The following CYP26C1 variants were observed in gnomAD, a reference collection of about 807,000 sequenced individuals.
CYP26C1 encodes cytochrome P450 family 26 subfamily C member 1, also known as cytochrome P450 26C1.
In CYP26C1, 41 loss-of-function variants were observed where a neutral mutation model predicts 39.1. That is an observed-to-expected ratio of 1.05 (90% CI 0.82 to 1.36). The LOEUF (loss-of-function observed/expected upper bound fraction) is 1.36. Ranked by LOEUF, CYP26C1 falls within the 40% of genes most tolerant of loss-of-function variation. CYP26C1 has a pLI of 0.00. For synonymous variants in CYP26C1, 362 were observed against 350.8 expected (o/e 1.03, Z -0.36); for missense variants, 833 against 752.0 (o/e 1.11, Z -1.26).
At chr10:93,068,276 T>C in intron 5 of CYP26C1, 44 bp from the exon 6 acceptor site, 2 of 1,479,504 alleles carry the variant, frequency 1.4e-6, no homozygotes, top group Non-Finnish European at 1.8e-6. Context: ...CCCCCCCGTT[T>C]CCAGGTGCCT....
rs1296313408 is a variant in CYP26C1, at chr10:93,062,716, A to G, written c.430-4A>G. 4 of 1,407,662 alleles carry G rather than the reference A, an allele frequency of 2.8e-6. No individual in the cohort carries two copies. Among genetic ancestry groups the G allele is most frequent in the South Asian group, 1.6e-5 (1 of 62,926 alleles). 87.2% of individuals were successfully genotyped at this position (1,407,662 alleles called of 1,614,324 possible). On this transcript the variant is annotated splice_polypyrimidine_tract_variant and splice_region_variant and intron_variant, in intron 2 of 5. Transcript: ENST00000651965. ...GCCAGCGCTGATCACGCGCGCTCCCACAGGTCCTGGCGCGCGTGTTCAGCC... is the reference window on the plus strand; with the variant it reads ...GCCAGCGCTGATCACGCGCGCTCCCGCAGGTCCTGGCGCGCGTGTTCAGCC...
chr10:93,068,625 C>T lies in CYP26C1; in HGVS notation c.1497C>T (p.His499=). Residue 499 remains histidine, a synonymous_variant, in exon 6 of 6, where the codon CAC becomes CAT. Coordinates refer to ENST00000651965, the MANE Select transcript of CYP26C1 (RefSeq NM_183374.3). ...CCATGCAGACGGTGCCCATCGTGCA[C>T]CCAGTGGACGGGCTGCGGCTCTTTT... ...FPAMQTVPIV[H]PVDGLRLFFH... is the part of the protein sequence containing the mutation. 6.2e-7 allele frequency: 1 copy of T among 1,600,626 alleles called. No individual in the cohort carries two copies. Among genetic ancestry groups the T allele is most frequent in the Non-Finnish European group, 8.5e-7 (1 of 1,174,130 alleles).
In CYP26C1 at chr10:93,067,178, G is replaced by C. The variant is rs993791943; in HGVS notation, c.1191+893G>C. On this transcript the variant is annotated intron_variant, in intron 5 of 5. Transcript: ENST00000651965. Reference sequence around the variant, plus strand: ...AGGGACTGGGATTCTACCCTGGAGGGGCTCCACTTGGAGAGGAAGGGGGCC... The same window carrying C: ...AGGGACTGGGATTCTACCCTGGAGGCGCTCCACTTGGAGAGGAAGGGGGCC... 2.6e-4 allele frequency among the ~76,000 whole-genome samples: 39 copies of C among 152,244 alleles called. 1 individual carries two copies. Among genetic ancestry groups the C allele is most frequent in the Non-Finnish European group, 1.0e-4 (7 of 68,046 alleles).
At position 93,066,261 on chromosome 10, in the gene CYP26C1, C is replaced by A. The variant is rs1846826320; in HGVS notation, c.1167C>A (p.Thr389=). The A allele has an allele frequency of 1.4e-6, 2 of 1,442,914 alleles. No homozygotes were observed. The highest frequency in any genetic ancestry group is 1.8e-6 in the Non-Finnish European group (2 of 1,099,912). The allele number at this position is 1,442,914 out of a possible 1,614,324, so 89.4% of individuals were successfully genotyped here. A position where few individuals can be genotyped will look rare whatever the true frequency, so the allele number is the denominator to read the frequency against. The change falls in exon 5 of 6, where the codon ACC becomes ACA. Residue 389 remains threonine (T), a synonymous_variant. Transcript: ENST00000651965. ...CGCCAGTGTCCGGGGGCTACCGCAC[C>A]GCCCTGCGCACCTTCGAGCTCGACG... ...LLPPVSGGYR[T]ALRTFELDGY...
chr10:93,062,742 G>A lies in CYP26C1; in HGVS notation c.452G>A (p.Arg151His). The change falls in exon 3 of 6, where the codon CGC becomes CAC. Residue 151 changes from arginine (R) to histidine (H), a missense_variant. Physicochemically the swap from Arg to His is conservative, Grantham distance 29. Coordinates refer to ENST00000651965, the MANE Select transcript of CYP26C1 (RefSeq NM_183374.3). ...CAGGTCCTGGCGCGCGTGTTCAGCC[G>A]CGCCGCGCTGGAGCGCTACGTGCCG... ...RRKVLARVFS[R>H]AALERYVPRL... 1.4e-6 allele frequency: 2 copies of A among 1,442,342 alleles called. No individual in the cohort carries two copies. Among genetic ancestry groups the A allele is most frequent in the Non-Finnish European group, 1.8e-6 (2 of 1,108,866 alleles). The allele number at this position is 1,442,342 out of a possible 1,614,324, so 89.3% of individuals were successfully genotyped here. A position where few individuals can be genotyped will look rare whatever the true frequency, so the allele number is the denominator to read the frequency against.
At chr10:93,065,300 A>G (rs1846810194) in intron 4 of CYP26C1, among the ~76,000 whole-genome samples, 1 of 152,212 alleles carries the variant, frequency 6.6e-6, no homozygotes, top group South Asian at 2.1e-4. Flanking sequence ...CTTTTCTGAG[A>G]TTGGAACTAA....
intron 2 of CYP26C1, among the ~76,000 whole-genome samples, 168 bp downstream of exon 2, chr10:93,062,402 A>C (rs1027837477): frequency 6.6e-6 from 1 of 152,178 alleles, no homozygotes; most frequent in Non-Finnish European, 1.5e-5. Flanking sequence ...TTCGGTTTAT[A>C]AAGTTAGGAC....
chr10:93,061,618 C>T (rs1255895318), intron 1 of CYP26C1, 151 bp downstream of exon 1: 1 of 758,496 alleles, frequency 1.3e-6, no homozygotes, highest in Admixed American at 3.9e-5. Context: ...CTCGCCTTTA[C>T]CTAGATACTC....
At chr10:93,068,175 A>C in intron 5 of CYP26C1, 145 bp from the exon 6 acceptor site, 213 of 982,704 alleles carry the variant, frequency 2.2e-4, no homozygotes, top group Middle Eastern at 6.0e-4. Context: ...ATTGGAACAC[A>C]GAGCTTTCTC....
At chr10:93,063,764 C>G in intron 3 of CYP26C1, 3 of 982,654 alleles carry the variant, frequency 3.1e-6, no homozygotes, top group Non-Finnish European at 3.6e-6. Context: ...TATTGACTTA[C>G]CCAAGATCAC....
chr10:93,063,066 G>A, intron 3 of CYP26C1, 71 bp downstream of exon 3: 7 of 1,484,740 alleles, frequency 4.7e-6, no homozygotes, highest in Non-Finnish European at 5.3e-6. Context: ...GACCCAGACG[G>A]GACGCCCTCG....
Position 93,062,283 on chromosome 10 carries a change from C to T in CYP26C1, c.429+49C>T, listed in dbSNP as rs1438532772. The T allele has an allele frequency of 2.7e-6, 4 of 1,477,310 alleles. No individual in the cohort carries two copies. The South Asian group carries it at 5.3e-5, about 20-fold the overall frequency. 91.5% of individuals were successfully genotyped at this position (1,477,310 alleles called of 1,614,324 possible). On this transcript the variant is annotated intron_variant, in intron 2 of 5. Transcript: ENST00000651965. ...GTAGATACGTCGGATCCGCGGTCCC[C>T]GGCATCTGCCATGGGCCAGGCCGGG...
Position 93,061,571 on chromosome 10 carries a change from T to C in CYP26C1, c.204+104T>C. The C allele has an allele frequency of 4.3e-6, 6 of 1,400,524 alleles. 1 individual carries two copies. The Admixed American group carries it at 1.3e-4, about 31-fold the overall frequency. 86.8% of individuals were successfully genotyped at this position (1,400,524 alleles called of 1,614,324 possible). A position where few individuals can be genotyped will look rare whatever the true frequency, so the allele number is the denominator to read the frequency against. ...GCCCATGGGATTTGTAGCCAGTCCCTGCCCATCGCCCACGACCCCGGGAAG... is the reference window on the plus strand; with the variant it reads ...GCCCATGGGATTTGTAGCCAGTCCCCGCCCATCGCCCACGACCCCGGGAAG... On this transcript the variant is annotated intron_variant, in intron 1 of 5. Transcript: ENST00000651965.
chr10:93,066,405 G>C (rs1846830251), intron 5 of CYP26C1, 120 bp downstream of exon 5: 1 of 1,017,336 alleles, frequency 9.8e-7, no homozygotes, highest in Non-Finnish European at 1.3e-6. Context: ...CGGACGGCGC[G>C]GTCACCTCTT....
rs756980630 is a variant in CYP26C1 at position 93,066,186 on chromosome 10, C to G, written c.1092C>G (p.Gly364=). Residue 364 remains glycine, a synonymous_variant, in exon 5 of 6, where the codon GGC becomes GGG. Transcript: ENST00000651965. ...CCGACCTCAGCCTCGCGGCGCTGGGCCGTCTGCGCTACGTCGACTGCGTGG... is the reference window on the plus strand; with the variant it reads ...CCGACCTCAGCCTCGCGGCGCTGGGGCGTCTGCGCTACGTCGACTGCGTGG... ...CEPDLSLAAL[G]RLRYVDCVVK... is the part of the protein sequence containing the mutation. 5.7e-5 allele frequency: 83 copies of G among 1,463,812 alleles called. No individual in the cohort carries two copies. Among genetic ancestry groups the G allele is most frequent in the African/African-American group, 7.2e-5 (5 of 69,202 alleles). The allele number at this position is 1,463,812 out of a possible 1,614,324, so 90.7% of individuals were successfully genotyped here. A position where few individuals can be genotyped will look rare whatever the true frequency, so the allele number is the denominator to read the frequency against.
At chr10:93,064,335 C>T in intron 3 of CYP26C1, 46 bp from the exon 4 acceptor site, 2 of 1,571,354 alleles carry the variant, frequency 1.3e-6, no homozygotes, top group Non-Finnish European at 1.7e-6. Flanking sequence ...CGGGCTTGGC[C>T]CCCTTAGCCT....
Position 93,061,400 on chromosome 10 carries a change from C to T in CYP26C1, c.137C>T (p.Thr46Ile), listed in dbSNP as rs1265541406. Residue 46 changes from threonine to isoleucine, a missense_variant, in exon 1 of 6, where the codon ACC becomes ATC. Transcript: ENST00000651965. ...RWMLSRDRAS[T>I]LPLPKGSMGW... ...ATGCTGAGCCGGGACCGGGCCTCCA[C>T]CCTGCCTCTGCCCAAGGGCTCCATG... 2 of 1,561,000 alleles carry T rather than the reference C, an allele frequency of 1.3e-6. No homozygotes were observed. The highest frequency in any genetic ancestry group is 2.4e-5 in the East Asian group (1 of 41,992).
intron 3 of CYP26C1, 121 bp downstream of exon 3, chr10:93,063,116 G>T (rs543981426): frequency 7.0e-7 from 1 of 1,434,956 alleles, no homozygotes; most frequent in African/African-American, 1.5e-5. Flanking sequence ...GGGAACGGCG[G>T]CAGGGCCCGG....
chr10:93,065,722 G>A (rs537027391), intron 4 of CYP26C1, among the ~76,000 whole-genome samples: 17 of 152,184 alleles, frequency 1.1e-4, no homozygotes, highest in African/African-American at 4.1e-4. Flanking sequence ...TCGCAAGGCG[G>A]GTGGATAGAT....
Sources: allele counts gnomAD v4.1 joint callset (sites outside exome capture counted in the v4.1 genomes callset), GRCh38; gene constraint gnomAD v4.1.1; transcripts MANE v1.5; gene names NCBI Gene and HGNC (gene_info 2026-07-23, HGNC 2026-07-21).